Variants in PRELID2 observed in about 807,000 individuals in gnomAD.
PRELID2 encodes the protein PRELI domain-containing protein 2.
Under a neutral mutation model 28.4 loss-of-function variants are expected in PRELID2, and 25 were observed. The ratio of observed to expected loss-of-function variants is 0.88; its 90% confidence interval spans 0.64 to 1.23. The LOEUF (loss-of-function observed/expected upper bound fraction) is 1.23. Ranked by LOEUF, PRELID2 falls within the 50% of genes most tolerant of loss-of-function variation. The pLI is 0.00. For missense variants in PRELID2, 201 were observed against 214.4 expected (o/e 0.94, Z 0.39); for synonymous variants, 76 against 71.6 (o/e 1.06, Z -0.31).
At chr5:145,673,511 T>C (rs979306540) in intron 1 of PRELID2, among the ~76,000 whole-genome samples, 10 of 151,560 alleles carry the variant, frequency 6.6e-5, no homozygotes, top group African/African-American at 2.4e-4. Flanking sequence ...AAGAAAGCAA[T>C]AAAATAAACC....
intron 4 of PRELID2, among the ~76,000 whole-genome samples, chr5:145,811,188 G>A (rs570040233): frequency 2.7e-5 from 4 of 146,554 alleles, no homozygotes; most frequent in Non-Finnish European, 5.9e-5. Flanking sequence ...CACAAGAACA[G>A]CATGGGAAAG....
the PRELID2 span, among the ~76,000 whole-genome samples, chr5:145,230,361 CAGG>C: frequency 1.3e-5 from 2 of 152,058 alleles, no homozygotes; most frequent in Non-Finnish European, 2.9e-5. Flanking sequence ...ATCATGAGGC[CAGG>C]AGTTTGAGAC....
At chr5:145,548,513 C>G (rs565881554) in intron 1 of PRELID2, among the ~76,000 whole-genome samples, 3 of 152,238 alleles carry the variant, frequency 2.0e-5, no homozygotes, top group African/African-American at 4.8e-5. Flanking sequence ...TTTCTCATTG[C>G]CCCCAGTTTC....
chr5:145,740,292 ATATATATATATATATATATATATATAT>A (rs1348616846), intron 1 of PRELID2, among the ~76,000 whole-genome samples: 1 of 91,468 alleles, frequency 1.1e-5, no homozygotes, highest in African/African-American at 4.6e-5. Flanking sequence ...ATATATATAT[ATATATATATATATATATATATATATAT>A]AAATCCTAAA....
intron 1 of PRELID2, among the ~76,000 whole-genome samples, chr5:145,536,033 G>GA (rs1362008899): frequency 1.3e-5 from 2 of 151,828 alleles, no homozygotes; most frequent in East Asian, 3.9e-4. Context: ...GAAGTGCAAT[G>GA]AAAAAAATAC....
intron 1 of PRELID2, among the ~76,000 whole-genome samples, chr5:145,542,564 T>A (rs1228829328): frequency 6.6e-6 from 1 of 152,076 alleles, no homozygotes; most frequent in Non-Finnish European, 1.5e-5. Flanking sequence ...AACCAAAGAA[T>A]GAATAAAGAT....
chr5:145,796,188 A>G (rs925210966), intron 5 of PRELID2: 1 of 300,844 alleles, frequency 3.3e-6, no homozygotes, highest in African/African-American at 2.2e-5. Context: ...TTTTAATTAG[A>G]TTATAAGTAT....
chr5:145,745,516 C>T (rs1403779284), intron 1 of PRELID2, among the ~76,000 whole-genome samples: 2 of 152,164 alleles, frequency 1.3e-5, no homozygotes, highest in Non-Finnish European at 1.5e-5. Context: ...GACGTCTCAG[C>T]AGAAACTCTA....
intron 1 of PRELID2, among the ~76,000 whole-genome samples, chr5:145,475,267 T>G (rs1752090124): frequency 6.6e-6 from 1 of 152,234 alleles, no homozygotes; most frequent in South Asian, 2.1e-4. Flanking sequence ...TAACATTCCT[T>G]GAAATAGAAA....
chr5:145,768,625 G>A (rs550142409), intron 5 of PRELID2, among the ~76,000 whole-genome samples: 12 of 152,124 alleles, frequency 7.9e-5, no homozygotes, highest in African/African-American at 2.2e-4. Context: ...AAATCCAGAC[G>A]GTATGACTTT....
chr5:145,388,696 G>T, the PRELID2 span, among the ~76,000 whole-genome samples: 1 of 151,954 alleles, frequency 6.6e-6, no homozygotes, highest in African/African-American at 2.4e-5. Context: ...TCAGGGATTG[G>T]TCCTTAATTT....
chr5:145,647,847 C>T (rs933242045), intron 1 of PRELID2, among the ~76,000 whole-genome samples: 17 of 152,168 alleles, frequency 1.1e-4, no homozygotes, highest in African/African-American at 4.1e-4. Flanking sequence ...CCTACTTTGG[C>T]TTGCCCTCTG....
chr5:145,253,448 T>C, the PRELID2 span, among the ~76,000 whole-genome samples: 1 of 152,086 alleles, frequency 6.6e-6, no homozygotes. Context: ...GCCATACCCA[T>C]AGTAATCGTA....
intron 3 of PRELID2, among the ~76,000 whole-genome samples, chr5:145,819,218 C>T (rs1198611209): frequency 6.6e-6 from 1 of 152,140 alleles, no homozygotes. Flanking sequence ...TGGAGTAACA[C>T]AACATCACAC....
intron 1 of PRELID2, among the ~76,000 whole-genome samples, chr5:145,611,464 T>G (rs1207899043): frequency 6.6e-6 from 1 of 152,146 alleles, no homozygotes; most frequent in Non-Finnish European, 1.5e-5. Flanking sequence ...ACAACCAGCC[T>G]CAAATTTTAA....
the PRELID2 span, among the ~76,000 whole-genome samples, chr5:145,382,310 CA>C: frequency 1.3e-5 from 2 of 151,296 alleles, no homozygotes; most frequent in East Asian, 1.9e-4. Context: ...ATTGAAGTTC[CA>C]AAAAAATAAA....
intron 5 of PRELID2, among the ~76,000 whole-genome samples, chr5:145,781,601 C>CTATATACACACTATATATATACTATA (rs1348287942): frequency 2.1e-5 from 3 of 146,004 alleles, no homozygotes; most frequent in African/African-American, 2.5e-5. Flanking sequence ...TATAGTATAT[C>CTATATACACACTATATATATACTATA]TATATACACA....
At chr5:145,526,241 C>T (rs1443766879) in intron 1 of PRELID2, among the ~76,000 whole-genome samples, 2 of 152,182 alleles carry the variant, frequency 1.3e-5, no homozygotes, top group African/African-American at 2.4e-5. Flanking sequence ...CAAGGTCACA[C>T]GTGTGCTAAG....
downstream of PRELID2, among the ~76,000 whole-genome samples, chr5:145,469,796 A>G (rs1444948635): frequency 6.6e-6 from 1 of 152,124 alleles, no homozygotes; most frequent in African/African-American, 2.4e-5. Context: ...ACTCTGTTAT[A>G]GGGAATTAGA....
Sources: gnomAD v4.1 joint callset for allele counts (sites outside exome capture counted in the v4.1 genomes callset) on GRCh38, gnomAD v4.1.1 for gene constraint, MANE v1.5 for transcripts, NCBI Gene and HGNC (gene_info 2026-07-23, HGNC 2026-07-21) for gene names.